The following FGGY variants were observed in gnomAD, a reference collection of about 807,000 sequenced individuals.
FGGY encodes the protein FGGY carbohydrate kinase domain-containing protein.
Under a neutral mutation model 71.3 loss-of-function variants are expected in FGGY, and 72 were observed. The observed-to-expected ratio is 1.01, with a 90% confidence interval of 0.84 to 1.23. The LOEUF is 1.23. FGGY is among the 50% of genes most tolerant of loss of function. The pLI, the probability that FGGY is intolerant of heterozygous loss-of-function variation, is 0.00. For missense variants in FGGY, 668 were observed against 682.3 expected (o/e 0.98, Z 0.23); for synonymous variants, 251 against 250.3 (o/e 1.00, Z -0.02).
intron 6 of FGGY, among the ~76,000 whole-genome samples, chr1:59,509,978 T>A (rs896959822): frequency 7.2e-5 from 11 of 152,104 alleles, no homozygotes; most frequent in African/African-American, 2.7e-4. Flanking sequence ...AAACCATTTT[T>A]AAAAAATCTC....
chr1:59,299,976 A>C (rs1296248945), intron 1 of FGGY, among the ~76,000 whole-genome samples: 1 of 152,224 alleles, frequency 6.6e-6, no homozygotes, highest in African/African-American at 2.4e-5. Flanking sequence ...TTAAAAGTAG[A>C]AAAGAATTGA....
intron 14 of FGGY, among the ~76,000 whole-genome samples, chr1:59,677,523 G>A (rs2097448184): frequency 1.3e-5 from 2 of 152,160 alleles, no homozygotes; most frequent in Non-Finnish European, 2.9e-5. Context: ...GTAGAGGTAG[G>A]AAAAACTTTT....
At chr1:59,721,337 G>GTTTTTGTTTTTTTTTTTT (rs2097891651) in intron 14 of FGGY, among the ~76,000 whole-genome samples, 2 of 105,376 alleles carry the variant, frequency 1.9e-5, no homozygotes, top group Admixed American at 1.2e-4. Flanking sequence ...TCTTTCCTTT[G>GTTTTTGTTTTTTTTTTTT]TTTTTTTTTT....
intron 5 of FGGY, among the ~76,000 whole-genome samples, chr1:59,415,663 A>G (rs1380084960): frequency 2.0e-5 from 3 of 152,172 alleles, no homozygotes; most frequent in Admixed American, 1.3e-4. Flanking sequence ...CCTAGCAGTT[A>G]TCACACTGTT....
intron 14 of FGGY, among the ~76,000 whole-genome samples, chr1:59,734,534 G>C (rs1558944713): frequency 1.3e-5 from 2 of 152,172 alleles, no homozygotes. Flanking sequence ...TCCTCTGCTA[G>C]ACACATGCTT....
At chr1:59,644,834 G>T (rs947167137) in intron 11 of FGGY, among the ~76,000 whole-genome samples, 4 of 152,092 alleles carry the variant, frequency 2.6e-5, no homozygotes, top group Non-Finnish European at 2.9e-5. Context: ...AAAATTGGCT[G>T]TGCGTGGTGG....
chr1:59,429,556 C>T (rs572221885), intron 5 of FGGY, among the ~76,000 whole-genome samples: 3 of 152,296 alleles, frequency 2.0e-5, no homozygotes, highest in Admixed American at 2.0e-4. Context: ...AAGTAATTTA[C>T]TGGCCAAGTT....
intron 4 of FGGY, among the ~76,000 whole-genome samples, chr1:59,362,047 G>A (rs183206246): frequency 1.3e-5 from 2 of 152,196 alleles, no homozygotes; most frequent in East Asian, 3.9e-4. Context: ...CTCCCTTCTC[G>A]ATGCTTTGTC....
At chr1:59,378,902 G>A (rs1382899106) in intron 5 of FGGY, 65 bp downstream of exon 5, 4 of 1,348,772 alleles carry the variant, frequency 3.0e-6, no homozygotes, top group Non-Finnish European at 3.2e-6. Context: ...TCTATATATT[G>A]CTTTCTTAAC....
intron 5 of FGGY, among the ~76,000 whole-genome samples, chr1:59,381,755 C>T (rs1172504648): frequency 6.6e-6 from 1 of 151,612 alleles, no homozygotes; most frequent in African/African-American, 2.4e-5. Context: ...TACTTGTTTG[C>T]TTTTTATGTA....
intron 6 of FGGY, among the ~76,000 whole-genome samples, chr1:59,490,083 CTG>C (rs1205636859): frequency 1.3e-5 from 2 of 152,118 alleles, no homozygotes; most frequent in Admixed American, 1.3e-4. Flanking sequence ...CGGGATTTCA[CTG>C]TGTTGCCTAG....
chr1:59,591,141 A>G (rs1409034955), intron 8 of FGGY, among the ~76,000 whole-genome samples: 1 of 149,002 alleles, frequency 6.7e-6, no homozygotes, highest in East Asian at 2.0e-4. Context: ...CTTATACACC[A>G]ATAACAGACA....
chr1:59,752,188 G>T lies in FGGY; in HGVS notation c.1513-5743G>T, dbSNP rs1260771932. Among the ~76,000 whole-genome samples the T allele has an allele frequency of 3.3e-5, 5 of 152,168 alleles. No individual in the cohort carries two copies. In the South Asian group the frequency reaches 8.3e-4, roughly 25 times the overall value. Reference sequence around the variant, plus strand: ...AATGGCACTTCCAGTATTTTCTTCTGGAATCTTAATGAGAATTCCCTGGAG... The same window carrying T: ...AATGGCACTTCCAGTATTTTCTTCTTGAATCTTAATGAGAATTCCCTGGAG... On this transcript the variant is annotated intron_variant, in intron 14 of 15. Coordinates refer to ENST00000303721, the MANE Select transcript of FGGY (RefSeq NM_018291.5).
chr1:59,535,322 A>T (rs1440549242), intron 7 of FGGY, among the ~76,000 whole-genome samples: 3 of 152,274 alleles, frequency 2.0e-5, no homozygotes, highest in South Asian at 4.2e-4. Flanking sequence ...GAGCACCCAG[A>T]TTCATAAAGC....
chr1:59,493,091 A>G (rs1057244532), intron 6 of FGGY, among the ~76,000 whole-genome samples: 5 of 126,816 alleles, frequency 3.9e-5, no homozygotes, highest in Admixed American at 1.8e-4. Flanking sequence ...ACTATTACCA[A>G]ACAAAACACA....
At chr1:59,732,606 T>G (rs1475866630) in intron 14 of FGGY, among the ~76,000 whole-genome samples, 2 of 151,500 alleles carry the variant, frequency 1.3e-5, no homozygotes, top group African/African-American at 4.9e-5. Flanking sequence ...TCCTCTACCT[T>G]CTGCTGAGAG....
intron 14 of FGGY, among the ~76,000 whole-genome samples, chr1:59,733,772 A>G (rs1044051347): frequency 2.0e-5 from 3 of 152,250 alleles, no homozygotes; most frequent in African/African-American, 7.2e-5. Context: ...ACACAGCCGT[A>G]AGGACAAACC....
At chr1:59,714,802 A>G (rs1209589888) in intron 14 of FGGY, among the ~76,000 whole-genome samples, 1 of 152,122 alleles carries the variant, frequency 6.6e-6, no homozygotes, top group Non-Finnish European at 1.5e-5. Context: ...GAAAGTTACA[A>G]AGTCTGTGCC....
chr1:59,492,430 G>A (rs2093894826), intron 6 of FGGY, among the ~76,000 whole-genome samples: 1 of 152,110 alleles, frequency 6.6e-6, no homozygotes, highest in Non-Finnish European at 1.5e-5. Context: ...TTTAGAAGGG[G>A]AAATCCTCTG....
Sources: gnomAD v4.1 joint callset for allele counts (sites outside exome capture counted in the v4.1 genomes callset) on GRCh38, gnomAD v4.1.1 for gene constraint, MANE v1.5 for transcripts, NCBI Gene and HGNC (gene_info 2026-07-23, HGNC 2026-07-21) for gene names.